MCF2L2: variants seen among roughly 807,000 people sequenced by gnomAD.
The protein encoded by MCF2L2 is MCF.2 cell line derived transforming sequence-like 2.
In MCF2L2, 102 loss-of-function variants were observed where a neutral mutation model predicts 150.2. That is an observed-to-expected ratio of 0.68 (90% CI 0.58 to 0.80). The LOEUF (loss-of-function observed/expected upper bound fraction) is 0.80. Among genes scored for constraint, MCF2L2 ranks in the 30% least tolerant of loss-of-function variants. The pLI is 0.00. For synonymous variants in MCF2L2, 465 were observed against 491.3 expected (o/e 0.95, Z 0.71); for missense variants, 1,256 against 1,372.8 (o/e 0.91, Z 1.34).
chr3:183,310,393 T>G, intron 9 of MCF2L2: 1 of 180,614 alleles, frequency 5.5e-6, no homozygotes, highest in South Asian at 9.0e-5. Flanking sequence ...TCCCAGCTAC[T>G]CAGGAGGCTG....
Position 183,269,742 on chromosome 3 carries a change from C to T in MCF2L2, c.1862+7130G>A, listed in dbSNP as rs565209559. On this transcript the variant is annotated intron_variant, in intron 15 of 29. Coordinates refer to ENST00000328913, the MANE Select transcript of MCF2L2 (RefSeq NM_015078.4). ...TACGAAACACGAAGTTCTATGGTCT[C>T]GAAGAAGCCCGTGCCTGTTTAAAAC... is the stretch of plus-strand genomic sequence containing the variant. 16 of 1,489,954 alleles carry T rather than the reference C, an allele frequency of 1.1e-5. No homozygotes were observed. In the South Asian group the frequency reaches 1.5e-4, roughly 14 times the overall value. The allele number at this position is 1,489,954 out of a possible 1,614,324, so 92.3% of individuals were successfully genotyped here.
At chr3:183,308,025 AT>A (rs1448060918) in intron 10 of MCF2L2, among the ~76,000 whole-genome samples, 2 of 152,254 alleles carry the variant, frequency 1.3e-5, no homozygotes, top group Admixed American at 1.3e-4. Flanking sequence ...TTTCCAGACC[AT>A]TCTAGCTAAA....
intron 5 of MCF2L2, among the ~76,000 whole-genome samples, chr3:183,333,628 T>C (rs1418521258): frequency 6.6e-6 from 1 of 152,178 alleles, no homozygotes; most frequent in Non-Finnish European, 1.5e-5. Flanking sequence ...GTTCTCCCCT[T>C]GACTTTACCC....
At chr3:183,259,347 G>A (rs1331775662) in intron 15 of MCF2L2, among the ~76,000 whole-genome samples, 2 of 152,080 alleles carry the variant, frequency 1.3e-5, no homozygotes, top group Non-Finnish European at 2.9e-5. Context: ...TTTGTAGCAT[G>A]TTTTATATCA....
rs34400256 is a variant in MCF2L2 at position 183,423,632 on chromosome 3, G to GTTT, written c.76+4267_76+4269dup. ...GTGGACCATTTTTTAAATTTTATTT[G>GTTT]TTTTTTTTTTTTTTTTTTTTTTTTG... On this transcript the variant is annotated intron_variant, in intron 1 of 29. Transcript: ENST00000328913. Among the ~76,000 whole-genome samples the GTTT allele has an allele frequency of 7.1e-3, 650 of 92,030 alleles. 4 individuals carry two copies. The highest frequency in any genetic ancestry group is 9.8e-3 in the Non-Finnish European group (461 of 46,864). The allele number at this position is 92,030 out of a possible 152,430, so 60.4% of individuals were successfully genotyped here.
At chr3:183,316,637 A>C (rs1408089450) in intron 7 of MCF2L2, among the ~76,000 whole-genome samples, 1 of 148,654 alleles carries the variant, frequency 6.7e-6, no homozygotes, top group African/African-American at 2.5e-5. Flanking sequence ...GAGCCACTGC[A>C]CCCAGCCCAT....
At chr3:183,184,771 C>A (rs183334924) in intron 27 of MCF2L2, among the ~76,000 whole-genome samples, 28 of 152,308 alleles carry the variant, frequency 1.8e-4, no homozygotes, top group African/African-American at 6.5e-4. Context: ...CATGGTGTTT[C>A]CCTTACTGTC....
intron 17 of MCF2L2, among the ~76,000 whole-genome samples, chr3:183,228,792 C>T (rs1332681219): frequency 1.3e-5 from 2 of 152,128 alleles, no homozygotes; most frequent in African/African-American, 4.8e-5. Flanking sequence ...ATGAAAGTAA[C>T]GTTCATAAGA....
intron 22 of MCF2L2, among the ~76,000 whole-genome samples, chr3:183,214,996 AAAAC>A (rs1231064957): frequency 3.9e-5 from 6 of 152,182 alleles, no homozygotes; most frequent in Admixed American, 2.6e-4. Flanking sequence ...CTCTGTCTCA[AAAAC>A]AAACAAACAA....
chr3:183,219,132 A>G (rs1216521458), intron 21 of MCF2L2, among the ~76,000 whole-genome samples: 1 of 152,180 alleles, frequency 6.6e-6, no homozygotes, highest in Non-Finnish European at 1.5e-5. Flanking sequence ...TAGAGTTCAC[A>G]CACACGCACA....
At chr3:183,193,237 A>C (rs1721962841) in intron 26 of MCF2L2, 141 bp from the exon 27 acceptor site, 5 of 666,732 alleles carry the variant, frequency 7.5e-6, no homozygotes, top group Non-Finnish European at 8.1e-6. Flanking sequence ...CCTCACCTGT[A>C]GTTGAAGACC....
chr3:183,208,020 T>C (rs761958042), intron 22 of MCF2L2, among the ~76,000 whole-genome samples, 197 bp from the exon 23 acceptor site: 1 of 152,216 alleles, frequency 6.6e-6, no homozygotes, highest in South Asian at 2.1e-4. Context: ...CATTTAGTTA[T>C]ATAAGGAAAT....
intron 21 of MCF2L2, among the ~76,000 whole-genome samples, chr3:183,216,369 GAAA>G (rs1400423324): frequency 1.4e-5 from 2 of 146,174 alleles, no homozygotes; most frequent in Non-Finnish European, 3.0e-5. Context: ...TGCTACATAA[GAAA>G]CATATAGAAT....
chr3:183,213,227 T>C (rs1280164570), intron 22 of MCF2L2, among the ~76,000 whole-genome samples: 1 of 150,680 alleles, frequency 6.6e-6, no homozygotes, highest in Non-Finnish European at 1.5e-5. Flanking sequence ...TTTAAATGCA[T>C]CTCTAATATG....
chr3:183,297,526 T>C (rs1031376332), intron 11 of MCF2L2: 11 of 207,652 alleles, frequency 5.3e-5, no homozygotes, highest in Admixed American at 5.3e-5. Context: ...AATTATGGCT[T>C]AATGCAGCCT....
At position 183,428,308 on chromosome 3, in the gene MCF2L2, A is replaced by T; in HGVS notation, c.-331T>A. 3.3e-6 allele frequency: 1 copy of T among 307,644 alleles called. No individual in the cohort carries two copies. The highest frequency in any genetic ancestry group is 6.0e-6 in the Non-Finnish European group (1 of 165,996). The allele number at this position is 307,644 out of a possible 1,614,324, so 19.1% of individuals were successfully genotyped here. On this transcript the variant is annotated 5_prime_UTR_variant, in exon 1 of 30. Coordinates refer to ENST00000328913, the MANE Select transcript of MCF2L2 (RefSeq NM_015078.4). The surrounding 1 kb of genome is among the most constrained non-coding windows in gnomAD (Gnocchi z 5.1). ...CGGCCGGGCGAGCTCCGGGGCTTCC[A>T]GAATCGCGGTCCCGGCCGCCAGGTT...
intron 3 of MCF2L2, among the ~76,000 whole-genome samples, chr3:183,355,502 C>T (rs1049485793): frequency 2.6e-5 from 4 of 151,198 alleles, no homozygotes; most frequent in Non-Finnish European, 4.4e-5. Flanking sequence ...GGTGGAGTGC[C>T]GTGGCGCGAT....
At chr3:183,294,332 T>C (rs1292873310) in intron 13 of MCF2L2, among the ~76,000 whole-genome samples, 1 of 151,936 alleles carries the variant, frequency 6.6e-6, no homozygotes, top group African/African-American at 2.4e-5. Flanking sequence ...TATTATGTTA[T>C]TATTATGATG....
In MCF2L2 at chr3:183,318,159, C is replaced by T. The variant is rs1163171948; in HGVS notation, c.662G>A (p.Gly221Glu). ...CAGCTCTGCTGTGGCCAGGCAGGAC[C>T]CAAACGTCTGCAGCATCTGGGCAGT... is the stretch of plus-strand genomic sequence containing the variant. Reference protein sequence around the residue: ...KTTAQMLQTFGSCLATAELPR... With the variant: ...KTTAQMLQTFESCLATAELPR... Residue 221 changes from glycine (G) to glutamate (E), a missense_variant, in exon 7 of 30, where the codon GGG (glycine) becomes GAG (glutamate). Transcript: ENST00000328913. 5 of 1,614,036 alleles carry T rather than the reference C, an allele frequency of 3.1e-6. No individual in the cohort carries two copies. The highest frequency in any genetic ancestry group is 4.2e-6 in the Non-Finnish European group (5 of 1,180,036).
Sources: allele counts gnomAD v4.1 joint callset (sites outside exome capture counted in the v4.1 genomes callset), GRCh38; gene constraint gnomAD v4.1.1; non-coding constraint Gnocchi (gnomAD v3.1); transcripts MANE v1.5; gene names NCBI Gene and HGNC (gene_info 2026-07-23, HGNC 2026-07-21).